Variants in HDAC9 observed in about 807,000 individuals in gnomAD.
The protein encoded by HDAC9 is histone deacetylase 9, also known as MEF-2 interacting transcription repressor (MITR) protein.
A neutral mutation model predicts 139.4 loss-of-function variants in HDAC9; 41 were observed. The observed-to-expected ratio is 0.29, with a 90% CI of 0.23 to 0.38. HDAC9 has a LOEUF of 0.38. Ranked by LOEUF, HDAC9 falls within the 10% of genes least tolerant of loss-of-function variation. The probability of loss-of-function intolerance (pLI) is 1.00; values close to 1 mark genes in which losing one functional copy is unlikely to be tolerated. For missense variants in HDAC9, 1,147 were observed against 1,297.0 expected (o/e 0.88, Z 1.78); for synonymous variants, 517 against 476.2 (o/e 1.09, Z -1.12).
chr7:18,186,870 T>C (rs1178333), intron 2 of HDAC9, among the ~76,000 whole-genome samples: 1 of 151,948 alleles, frequency 6.6e-6, no homozygotes, highest in African/African-American at 2.4e-5. Context: ...TAATTGGAAG[T>C]CTTTATCTCT....
At chr7:18,451,368 C>CGTGTGTGTGTGTGT (rs71553928) in intron 1 of HDAC9, among the ~76,000 whole-genome samples, 4 of 138,882 alleles carry the variant, frequency 2.9e-5, no homozygotes, top group Middle Eastern at 3.9e-3. Context: ...TGTATATGTG[C>CGTGTGTGTGTGTGT]GTGTGTGTGT....
At chr7:18,708,712 G>T (rs574188391) in intron 12 of HDAC9, among the ~76,000 whole-genome samples, 1 of 152,288 alleles carries the variant, frequency 6.6e-6, no homozygotes, top group South Asian at 2.1e-4. Flanking sequence ...ATATTGGACG[G>T]CAAGATTCTA....
At chr7:18,865,707 A>G (rs13239170) in intron 21 of HDAC9, among the ~76,000 whole-genome samples, 1,685 of 152,260 alleles carry the variant, frequency 0.011, 11 homozygotes, top group Non-Finnish European at 0.014. Context: ...TGCCTTCACC[A>G]CTTTGGGAGC....
chr7:18,168,087 A>G (rs546475002), intron 2 of HDAC9, among the ~76,000 whole-genome samples: 4 of 152,360 alleles, frequency 2.6e-5, no homozygotes, highest in African/African-American at 9.6e-5. Flanking sequence ...TGTAGCTATT[A>G]GAAAATTCAA....
intron 25 of HDAC9, among the ~76,000 whole-genome samples, chr7:18,978,057 G>A (rs1784664035): frequency 1.3e-5 from 2 of 151,898 alleles, no homozygotes. Flanking sequence ...CAGGAAAGAT[G>A]GCTTTCAAAA....
intron 1 of HDAC9, among the ~76,000 whole-genome samples, chr7:18,362,353 C>CT (rs1378995418): frequency 1.3e-5 from 2 of 152,064 alleles, no homozygotes; most frequent in Non-Finnish European, 2.9e-5. Context: ...TTTCTATTAT[C>CT]TTTGTAGAAG....
intron 16 of HDAC9, among the ~76,000 whole-genome samples, chr7:18,783,900 C>T (rs1347594739): frequency 6.6e-6 from 1 of 151,898 alleles, no homozygotes; most frequent in African/African-American, 2.4e-5. Context: ...GCTATCATTT[C>T]CTTAAGACAA....
intron 1 of HDAC9, among the ~76,000 whole-genome samples, chr7:18,321,960 C>G (rs1800062635): frequency 6.6e-6 from 1 of 152,098 alleles, no homozygotes; most frequent in Non-Finnish European, 1.5e-5. Flanking sequence ...ACATTTCAAA[C>G]TAGTTAAATT....
rs770845780 is a variant in HDAC9, at chr7:18,644,760, C to T, written c.1002C>T (p.Thr334=). The T allele has an allele frequency of 1.9e-6, 3 of 1,611,926 alleles. No individual in the cohort carries two copies. Among genetic ancestry groups the T allele is most frequent in the Admixed American group, 3.3e-5 (2 of 59,784 alleles). ...CCTCTCCTTCTTTGCCCAACATTAC[C>T]TTGGGGCTTCCCGCAGTGCCATCCC... is the stretch of plus-strand genomic sequence containing the variant. ...LYTSPSLPNI[T]LGLPAVPSQL... is the part of the protein sequence containing the mutation. Residue 334 remains threonine (T), a synonymous_variant, in exon 9 of 26, where the codon ACC becomes ACT. Coordinates refer to ENST00000686413, the MANE Select transcript of HDAC9 (RefSeq NM_178425.4).
At chr7:18,120,780 T>C (rs1784319477) in intron 1 of HDAC9, among the ~76,000 whole-genome samples, 1 of 152,234 alleles carries the variant, frequency 6.6e-6, no homozygotes, top group Non-Finnish European at 1.5e-5. Context: ...AGATTAAGAA[T>C]GAGAGCTTTT....
chr7:18,977,915 GACAGACAC>G (rs1275985416), intron 25 of HDAC9, among the ~76,000 whole-genome samples: 6 of 103,218 alleles, frequency 5.8e-5, no homozygotes, highest in East Asian at 5.1e-4. Flanking sequence ...GAGACAGACA[GACAGACAC>G]ACACACACAC....
chr7:18,368,364 G>A (rs1331703937), intron 1 of HDAC9, among the ~76,000 whole-genome samples: 1 of 151,722 alleles, frequency 6.6e-6, no homozygotes, highest in Non-Finnish European at 1.5e-5. Flanking sequence ...TTTTCCATAT[G>A]GTTAGCCAAG....
At chr7:18,318,673 T>G (rs920958300) in intron 1 of HDAC9, among the ~76,000 whole-genome samples, 16 of 152,198 alleles carry the variant, frequency 1.1e-4, no homozygotes, top group African/African-American at 3.9e-4. Flanking sequence ...ATTCTTTTCT[T>G]GAGAGACGAA....
intron 2 of HDAC9, among the ~76,000 whole-genome samples, chr7:18,184,076 G>T (rs1284258618): frequency 6.6e-6 from 1 of 152,058 alleles, no homozygotes; most frequent in Non-Finnish European, 1.5e-5. Context: ...TTTTGTATTT[G>T]TTTGGATTTT....
intron 8 of HDAC9, among the ~76,000 whole-genome samples, chr7:18,642,194 C>T (rs1169175264): frequency 1.3e-5 from 2 of 152,086 alleles, no homozygotes; most frequent in African/African-American, 4.8e-5. Flanking sequence ...ATCCTTGCTT[C>T]ATCAAGAATT....
At chr7:18,183,202 G>C (rs991925476) in intron 2 of HDAC9, among the ~76,000 whole-genome samples, 1 of 150,824 alleles carries the variant, frequency 6.6e-6, no homozygotes, top group Middle Eastern at 3.2e-3. Flanking sequence ...GTAGAGACGG[G>C]GTTTCACCGT....
intron 21 of HDAC9, among the ~76,000 whole-genome samples, chr7:18,861,253 T>G (rs1798083080): frequency 6.6e-6 from 1 of 152,158 alleles, no homozygotes; most frequent in Non-Finnish European, 1.5e-5. Context: ...CAGTACAATT[T>G]TAATATTAAC....
rs1328935755 is a variant in HDAC9, at chr7:18,829,495, G to T, written c.2413G>T (p.Ala805Ser). 1 of 1,612,362 alleles carries T rather than the reference G, an allele frequency of 6.2e-7. No homozygotes were observed. The highest frequency in any genetic ancestry group is 8.5e-7 in the Non-Finnish European group (1 of 1,178,656). ...FCFFNSVAIT[A>S]KYLRDQLNIS... ...CTTTTTTAATTCAGTTGCAATTACC[G>T]CCAAATACTTGAGAGACCAACTAAA... Residue 805 changes from alanine to serine, a missense_variant, in exon 19 of 26, where the codon GCC becomes TCC. Transcript: ENST00000686413.
chr7:18,524,510 C>G (rs940369586), intron 2 of HDAC9, among the ~76,000 whole-genome samples: 2 of 152,054 alleles, frequency 1.3e-5, no homozygotes, highest in Non-Finnish European at 2.9e-5. Flanking sequence ...ACAACATGTA[C>G]AAAAGTTGGA....
Sources: gnomAD v4.1 joint callset for allele counts (sites outside exome capture counted in the v4.1 genomes callset) on GRCh38, gnomAD v4.1.1 for gene constraint, MANE v1.5 for transcripts, NCBI Gene and HGNC (gene_info 2026-07-23, HGNC 2026-07-21) for gene names.